C12orf43: variants seen among roughly 807,000 people sequenced by gnomAD.
The protein encoded by C12orf43 is protein CUSTOS.
C12orf43 carries 15 observed loss-of-function variants against 20.6 expected under a neutral mutation model. That is an observed-to-expected ratio of 0.73 (90% CI 0.49 to 1.12). The LOEUF (loss-of-function observed/expected upper bound fraction) is 1.12, where lower values mean the gene tolerates loss of function less well. C12orf43 is among the 50% of genes most tolerant of loss of function. C12orf43 has a pLI of 0.00. For synonymous variants in C12orf43, 144 were observed against 130.8 expected, an observed-to-expected ratio of 1.10 and a Z score of -0.69; for missense variants, 334 against 344.4, an observed-to-expected ratio of 0.97 and a Z score of 0.24.
At chr12:121,015,641 T>C (rs1236509709) in intron 1 of C12orf43, among the ~76,000 whole-genome samples, 1 of 152,208 alleles carries the variant, frequency 6.6e-6, no homozygotes, top group African/African-American at 2.4e-5. Context: ...ATGACTTTTT[T>C]CCCCAATATC....
chr12:121,013,539 C>T (rs1868597309), intron 1 of C12orf43, among the ~76,000 whole-genome samples: 1 of 152,180 alleles, frequency 6.6e-6, no homozygotes. Flanking sequence ...CGTGGTCTGC[C>T]TCTTTTTACC....
intron 3 of C12orf43, among the ~76,000 whole-genome samples, chr12:121,010,178 C>T (rs1439782515): frequency 6.6e-6 from 1 of 152,162 alleles, no homozygotes; most frequent in Non-Finnish European, 1.5e-5. Flanking sequence ...GGCAGGTGCC[C>T]GTTAAGTCCA....
chr12:121,004,070 TG>T lies in C12orf43; in HGVS notation c.*82del. On this transcript the variant is annotated 3_prime_UTR_variant, in exon 6 of 6. Coordinates refer to ENST00000288757, the MANE Select transcript of C12orf43 (RefSeq NM_022895.3). This position sits in a 1 kb window ranked among gnomAD's most constrained non-coding sequence, Gnocchi z 5.6. ...CAGTCCTTGAACTTGGAGAGGGAGG[TG>T]GGGCTTGGAAATGCCTTGTCCCCAG... 7.0e-7 allele frequency: 1 copy of T among 1,435,112 alleles called. No homozygotes were observed. Among genetic ancestry groups the T allele is most frequent in the African/African-American group, 1.4e-5 (1 of 71,206 alleles). The allele number at this position is 1,435,112 out of a possible 1,614,324, so 88.9% of individuals were successfully genotyped here. A position where few individuals can be genotyped will look rare whatever the true frequency, so the allele number is the denominator to read the frequency against.
chr12:121,001,276 CCTG>C lies in C12orf43; in HGVS notation c.*2874_*2876del. ...GCCAGCCCTGCCTGGAGGACCTGAGCCTGCCGAGCAACCGTGGCCCTTCCTGGA... is the reference window on the plus strand; with the variant it reads ...GCCAGCCCTGCCTGGAGGACCTGAGCCCGAGCAACCGTGGCCCTTCCTGGA... On this transcript the variant is annotated 3_prime_UTR_variant, in exon 6 of 6. Transcript: ENST00000288757. The C allele has an allele frequency of 6.5e-7, 1 of 1,535,064 alleles. No homozygotes were observed. The highest frequency in any genetic ancestry group is 1.2e-5 in the South Asian group (1 of 86,816).
rs2135855138 is a variant in C12orf43, at chr12:121,001,252, C to G, written c.*2901G>C. Reference sequence around the variant, plus strand: ...GCTTGGGGGGTGATGAGGGCAGCAGCCAGCCCTGCCTGGAGGACCTGAGCC... The same window carrying G: ...GCTTGGGGGGTGATGAGGGCAGCAGGCAGCCCTGCCTGGAGGACCTGAGCC... On this transcript the variant is annotated 3_prime_UTR_variant, in exon 6 of 6. Coordinates refer to ENST00000288757, the MANE Select transcript of C12orf43 (RefSeq NM_022895.3). 2 of 1,596,256 alleles carry G rather than the reference C, an allele frequency of 1.3e-6. No homozygotes were observed. Among genetic ancestry groups the G allele is most frequent in the African/African-American group, 1.3e-5 (1 of 74,728 alleles).
Position 121,002,656 on chromosome 12 carries a change from ACT to A in C12orf43, c.*1495_*1496del, listed in dbSNP as rs1877594124. The A allele has an allele frequency of 2.9e-6, 1 of 344,486 alleles. No homozygotes were observed. Among genetic ancestry groups the A allele is most frequent in the South Asian group, 2.3e-5 (1 of 42,762 alleles). 21.3% of individuals were successfully genotyped at this position (344,486 alleles called of 1,614,324 possible). ...TCTCTGCTTTTCTTGCTCTGCTGAG[ACT>A]CTAATGACAAAGCCAGATTTCATCT... On this transcript the variant is annotated 3_prime_UTR_variant, in exon 6 of 6. Transcript: ENST00000288757.
chr12:121,014,781 C>A (rs1264181831), intron 1 of C12orf43, among the ~76,000 whole-genome samples: 1 of 151,834 alleles, frequency 6.6e-6, no homozygotes, highest in Non-Finnish European at 1.5e-5. Flanking sequence ...GAGTTCGAGA[C>A]CAGCCTGGGC....
intron 1 of C12orf43, among the ~76,000 whole-genome samples, chr12:121,014,695 A>G (rs1868740690): frequency 6.6e-6 from 1 of 151,458 alleles, no homozygotes; most frequent in African/African-American, 2.4e-5. Flanking sequence ...AAAAAAAACT[A>G]GAAGCCGAGC....
Position 121,003,371 on chromosome 12 carries a change from G to A in C12orf43, c.*782C>T, listed in dbSNP as rs1338899243. ...GAATGCCTTTGTCCCATGAAACCTA[G>A]TCCACGAGTGCTATGACACTTCCTG... On this transcript the variant is annotated 3_prime_UTR_variant, in exon 6 of 6. Coordinates refer to ENST00000288757, the MANE Select transcript of C12orf43 (RefSeq NM_022895.3). 3 of 152,236 alleles carry A rather than the reference G, an allele frequency of 2.0e-5. No homozygotes were observed. Among genetic ancestry groups the A allele is most frequent in the African/African-American group, 7.2e-5 (3 of 41,450 alleles). The allele number at this position is 152,236 out of a possible 1,614,324, so 9.4% of individuals were successfully genotyped here. A position where few individuals can be genotyped will look rare whatever the true frequency, so the allele number is the denominator to read the frequency against.
rs750505585 is a variant in C12orf43 at position 121,001,227 on chromosome 12, G to C, written c.*2926C>G. ...CTGGGCCCTGGGGCCTGTACTGCCT[G>C]CTTGGGGGGTGATGAGGGCAGCAGC... On this transcript the variant is annotated 3_prime_UTR_variant, in exon 6 of 6. Transcript: ENST00000288757. 1 of 1,612,036 alleles carries C rather than the reference G, an allele frequency of 6.2e-7. No homozygotes were observed. The highest frequency in any genetic ancestry group is 8.5e-7 in the Non-Finnish European group (1 of 1,179,310).
At position 121,001,240 on chromosome 12, in the gene C12orf43, T is replaced by C. The variant is rs754994233; in HGVS notation, c.*2913A>G. On this transcript the variant is annotated 3_prime_UTR_variant, in exon 6 of 6. Coordinates refer to ENST00000288757, the MANE Select transcript of C12orf43 (RefSeq NM_022895.3). ...CCTGTACTGCCTGCTTGGGGGGTGA[T>C]GAGGGCAGCAGCCAGCCCTGCCTGG... 207 of 1,608,512 alleles carry C rather than the reference T, an allele frequency of 1.3e-4. No individual in the cohort carries two copies. Among genetic ancestry groups the C allele is most frequent in the Non-Finnish European group, 1.7e-4 (196 of 1,177,936 alleles).
rs959522682 is a variant in C12orf43 at position 121,004,920 on chromosome 12, G to A, written c.452+83C>T. 3 of 1,051,450 alleles carry A rather than the reference G, an allele frequency of 2.9e-6. No homozygotes were observed. Among genetic ancestry groups the A allele is most frequent in the African/African-American group, 3.3e-5 (2 of 60,436 alleles). 65.1% of individuals were successfully genotyped at this position (1,051,450 alleles called of 1,614,324 possible). A position where few individuals can be genotyped will look rare whatever the true frequency, so the allele number is the denominator to read the frequency against. The stretch of plus-strand genomic sequence containing the variant: ...CTGCCTTGGCCTGGTCCTGACTGGA[G>A]TCTGCTTGGCTATTCCAGGGAACCC... On this transcript the variant is annotated intron_variant, in intron 5 of 5. Coordinates refer to ENST00000288757, the MANE Select transcript of C12orf43 (RefSeq NM_022895.3). The surrounding 1 kb of genome is among the most constrained non-coding windows in gnomAD (Gnocchi z 5.6).
chr12:121,009,147 G>A (rs1200659772), intron 3 of C12orf43, among the ~76,000 whole-genome samples: 3 of 152,062 alleles, frequency 2.0e-5, no homozygotes, highest in Non-Finnish European at 4.4e-5. Flanking sequence ...AAATTCTTAT[G>A]GTGAAATCCT....
chr12:121,002,408 G>C lies in C12orf43; in HGVS notation c.*1745C>G, dbSNP rs534185491. ...GTACCGCGTCTACCCTGGGATTCAG[G>C]AAAAGGCCTGGGGTGACCCGGCACC... On this transcript the variant is annotated 3_prime_UTR_variant, in exon 6 of 6. Coordinates refer to ENST00000288757, the MANE Select transcript of C12orf43 (RefSeq NM_022895.3). The C allele has an allele frequency of 1.1e-5, 6 of 529,348 alleles. 1 individual carries two copies. Among genetic ancestry groups the C allele is most frequent in the Non-Finnish European group, 2.2e-5 (6 of 273,940 alleles). The allele number at this position is 529,348 out of a possible 1,614,324, so 32.8% of individuals were successfully genotyped here.
chr12:121,012,324 C>T, intron 1 of C12orf43: 1 of 696,668 alleles, frequency 1.4e-6, no homozygotes, highest in South Asian at 1.5e-5. Context: ...AGATGGAGAA[C>T]TCAGAGGGGC....
chr12:121,012,973 G>A (rs1426646936), intron 1 of C12orf43, among the ~76,000 whole-genome samples: 2 of 151,602 alleles, frequency 1.3e-5, no homozygotes, highest in Non-Finnish European at 2.9e-5. Context: ...AAGACAAAAC[G>A]TGCTTGTATA....
Position 121,001,998 on chromosome 12 carries a change from TGTGGGAGCCTCGCAACCC to T in C12orf43, c.*2137_*2154del. The T allele has an allele frequency of 1.9e-6, 1 of 536,618 alleles. No homozygotes were observed. Among genetic ancestry groups the T allele is most frequent in the South Asian group, 1.5e-5 (1 of 65,224 alleles). The allele number at this position is 536,618 out of a possible 1,614,324, so 33.2% of individuals were successfully genotyped here. On this transcript the variant is annotated 3_prime_UTR_variant, in exon 6 of 6. Coordinates refer to ENST00000288757, the MANE Select transcript of C12orf43 (RefSeq NM_022895.3). ...GGGGCTGGGAAGTCGTCCTTACTCC[TGTGGGAGCCTCGCAACCC>T]GTGCCAAGTCCAGGTCCTGGTGGGG...
chr12:121,004,592 CAG>C lies in C12orf43; in HGVS notation c.453-105_453-104del, dbSNP rs1385309124. ...GGTCCAGGTCACCAGAAGGTGGCCG[CAG>C]AGAGAGGCAGGTAGTGAGTTCAGGC... On this transcript the variant is annotated intron_variant, in intron 5 of 5. Coordinates refer to ENST00000288757, the MANE Select transcript of C12orf43 (RefSeq NM_022895.3). This position sits in a 1 kb window ranked among gnomAD's most constrained non-coding sequence, Gnocchi z 5.6. 1.7e-6 allele frequency: 2 copies of C among 1,199,100 alleles called. No homozygotes were observed. The highest frequency in any genetic ancestry group is 1.5e-5 in the South Asian group (1 of 67,538). The allele number at this position is 1,199,100 out of a possible 1,614,324, so 74.3% of individuals were successfully genotyped here. A position where few individuals can be genotyped will look rare whatever the true frequency, so the allele number is the denominator to read the frequency against.
chr12:121,008,580 G>A (rs1878199926), intron 3 of C12orf43, among the ~76,000 whole-genome samples: 1 of 152,248 alleles, frequency 6.6e-6, no homozygotes, highest in Non-Finnish European at 1.5e-5. Context: ...AAGCCAGAGA[G>A]TCACAAAGGA....
Sources: gnomAD v4.1 joint callset for allele counts (sites outside exome capture counted in the v4.1 genomes callset) on GRCh38, gnomAD v4.1.1 for gene constraint, Gnocchi (gnomAD v3.1) non-coding constraint, MANE v1.5 for transcripts, NCBI Gene and HGNC (gene_info 2026-07-23, HGNC 2026-07-21) for gene names.